Variants in CABP1 observed in about 807,000 individuals in gnomAD.
The protein encoded by CABP1 is calcium-binding protein 1.
A neutral mutation model predicts 34.3 loss-of-function variants in CABP1; 17 were observed. The ratio of observed to expected loss-of-function variants is 0.50; its 90% CI spans 0.34 to 0.74. The LOEUF is 0.74. Ranked by LOEUF, CABP1 falls within the 30% of genes least tolerant of loss-of-function variation. The pLI, the probability that CABP1 is intolerant of heterozygous loss-of-function variation, is 0.01. For synonymous variants in CABP1, 198 were observed against 229.2 expected, an observed-to-expected ratio of 0.86 and a Z score of 1.23; for missense variants, 373 against 511.1, an observed-to-expected ratio of 0.73 and a Z score of 2.61.
At position 120,640,670 on chromosome 12, in the gene CABP1, G is replaced by C; in HGVS notation, c.-16G>C. 8.5e-7 allele frequency: 1 copy of C among 1,175,514 alleles called. No individual in the cohort carries two copies. Among genetic ancestry groups the C allele is most frequent in the Non-Finnish European group, 1.1e-6 (1 of 951,702 alleles). 72.8% of individuals were successfully genotyped at this position (1,175,514 alleles called of 1,614,324 possible). A position where few individuals can be genotyped will look rare whatever the true frequency, so the allele number is the denominator to read the frequency against. On this transcript the variant is annotated 5_prime_UTR_variant, in exon 1 of 6. Coordinates refer to ENST00000316803, the MANE Select transcript of CABP1 (RefSeq NM_001033677.2). This position sits in a 1 kb window ranked among gnomAD's most constrained non-coding sequence, Gnocchi z 6.2. ...CCGGGAGCTCCGGGCTCCGGGCGTA[G>C]AGGCTGCGCTGTCACATGGGCGGCG...
rs560827054 is a variant in CABP1, at chr12:120,647,836, C to A, written c.654+6497C>A. On this transcript the variant is annotated intron_variant, in intron 1 of 5. Transcript: ENST00000316803. ...ACCTCAGGTGATCCACCTGCCTATG[C>A]CTCCCAAAGTGCTGGGATTACAGGT... Among the ~76,000 whole-genome samples the A allele has an allele frequency of 3.2e-4, 49 of 150,924 alleles. No homozygotes were observed. In the East Asian group the frequency reaches 8.9e-3, roughly 27 times the overall value.
rs1880629535 is a variant in CABP1 at position 120,661,480 on chromosome 12, C to A, written c.1087+262C>A. ...TCCATTTATCCATCCATTCATCTAC[C>A]TATCTATCCATCTGTCCACCATCCA... On this transcript the variant is annotated intron_variant, in intron 5 of 5. Coordinates refer to ENST00000316803, the MANE Select transcript of CABP1 (RefSeq NM_001033677.2). The surrounding 1 kb of genome is among the most constrained non-coding windows in gnomAD (Gnocchi z 5.1). 2.3e-6 allele frequency: 1 copy of A among 439,582 alleles called. No individual in the cohort carries two copies. Among genetic ancestry groups the A allele is most frequent in the Non-Finnish European group, 4.1e-6 (1 of 243,446 alleles). 27.2% of individuals were successfully genotyped at this position (439,582 alleles called of 1,614,324 possible).
chr12:120,647,560 C>CT (rs10557275), intron 1 of CABP1, among the ~76,000 whole-genome samples: 7,090 of 75,570 alleles, frequency 0.094, 576 homozygotes, highest in Non-Finnish European at 0.1. Context: ...CAGTCCAAGC[C>CT]TTTTTTTTTT....
chr12:120,655,943 G>A lies in CABP1; in HGVS notation c.655-3935G>A, dbSNP rs779514753. Reference sequence around the variant, plus strand: ...GAGACTCTGTCTGTTGGACCAATTTGATGCCTGTGCACGCTCAGGGCTCTC... The same window carrying A: ...GAGACTCTGTCTGTTGGACCAATTTAATGCCTGTGCACGCTCAGGGCTCTC... On this transcript the variant is annotated intron_variant, in intron 1 of 5. Coordinates refer to ENST00000316803, the MANE Select transcript of CABP1 (RefSeq NM_001033677.2). The A allele has an allele frequency of 3.2e-6, 5 of 1,539,392 alleles. No homozygotes were observed. In the Admixed American group the frequency reaches 7.8e-5, roughly 24 times the overall value.
chr12:120,672,654 C>T, the CABP1 span, among the ~76,000 whole-genome samples: 4 of 145,064 alleles, frequency 2.8e-5, no homozygotes, highest in African/African-American at 5.1e-5. Context: ...TAAAAAGTAT[C>T]GTGTTTTAAA....
intron 1 of CABP1, among the ~76,000 whole-genome samples, chr12:120,645,721 C>T (rs1476954172): frequency 2.0e-5 from 3 of 152,000 alleles, no homozygotes; most frequent in Admixed American, 6.6e-5. Flanking sequence ...CCCAGCTACT[C>T]GGGAGGCTGA....
chr12:120,662,608 G>A (rs576318304), intron 5 of CABP1, among the ~76,000 whole-genome samples: 4 of 151,360 alleles, frequency 2.6e-5, no homozygotes, highest in East Asian at 1.9e-4. Flanking sequence ...TGATCCACCC[G>A]CCTCGGCCTC....
downstream of CABP1, among the ~76,000 whole-genome samples, chr12:120,670,694 G>C (rs996924333): frequency 1.1e-4 from 16 of 152,278 alleles, no homozygotes; most frequent in African/African-American, 3.6e-4. Context: ...GTTGCAGTGA[G>C]CGGAGATTGC....
intron 1 of CABP1, chr12:120,658,921 T>G (rs1374606944): frequency 2.0e-5 from 3 of 152,286 alleles, no homozygotes; most frequent in Non-Finnish European, 4.4e-5. Context: ...CAGGTCCAGC[T>G]GGGCACCTGT....
At chr12:120,656,998 A>G (rs905745367) in intron 1 of CABP1, among the ~76,000 whole-genome samples, 3 of 152,228 alleles carry the variant, frequency 2.0e-5, no homozygotes, top group Non-Finnish European at 4.4e-5. Flanking sequence ...GCCTGACTCA[A>G]GAGCCTCTTG....
At chr12:120,666,801 TG>T (rs1438879248) in intron 5 of CABP1, 73 bp from the exon 6 acceptor site, 7 of 1,508,414 alleles carry the variant, frequency 4.6e-6, no homozygotes, top group Admixed American at 1.9e-5. Context: ...GGCAACAGGG[TG>T]GGGTCTGAAG....
intron 1 of CABP1, chr12:120,650,059 G>A (rs66913110): frequency 0.31 from 46,274 of 150,752 alleles, 7,781 homozygotes; most frequent in African/African-American, 0.45. Context: ...GTGCGCGCGC[G>A]CACACACACA....
At chr12:120,666,364 C>T (rs79715801) in intron 5 of CABP1, among the ~76,000 whole-genome samples, 18,364 of 150,240 alleles carry the variant, frequency 0.12, 1,220 homozygotes, top group Non-Finnish European at 0.14. Flanking sequence ...ATCCCAGCTA[C>T]TAGGGAGGCT....
chr12:120,649,046 G>A (rs978873285), intron 1 of CABP1, among the ~76,000 whole-genome samples: 1 of 150,622 alleles, frequency 6.6e-6, no homozygotes, highest in African/African-American at 2.4e-5. Flanking sequence ...ATCAATACCC[G>A]CCCCCCAGGC....
chr12:120,645,806 G>C (rs970749344), intron 1 of CABP1, among the ~76,000 whole-genome samples: 6 of 152,216 alleles, frequency 3.9e-5, no homozygotes, highest in African/African-American at 1.4e-4. Context: ...TCCAGCCTGG[G>C]TGACGGAGGA....
chr12:120,652,853 C>T (rs1284231927), intron 1 of CABP1, among the ~76,000 whole-genome samples: 2 of 152,152 alleles, frequency 1.3e-5, no homozygotes, highest in African/African-American at 4.8e-5. Flanking sequence ...ACTTAGGAGA[C>T]GTTGCCTTGG....
Position 120,667,238 on chromosome 12 carries a change from G to A in CABP1, c.*338G>A, listed in dbSNP as rs1881066912. The A allele has an allele frequency of 2.2e-6, 1 of 460,340 alleles. No homozygotes were observed. Among genetic ancestry groups the A allele is most frequent in the South Asian group, 2.7e-5 (1 of 36,806 alleles). The allele number at this position is 460,340 out of a possible 1,614,324, so 28.5% of individuals were successfully genotyped here. On this transcript the variant is annotated 3_prime_UTR_variant, in exon 6 of 6. Transcript: ENST00000316803. ...CCCCACACAGCATGTCCGCCCCAGG[G>A]CAAAGCCTCCCACCTTCGCTCTGCG...
At chr12:120,652,209 T>A (rs1879888895) in intron 1 of CABP1, among the ~76,000 whole-genome samples, 1 of 152,188 alleles carries the variant, frequency 6.6e-6, no homozygotes, top group Admixed American at 6.5e-5. Flanking sequence ...ATGTTAGTAT[T>A]CTTGTCATCA....
the CABP1 span, among the ~76,000 whole-genome samples, chr12:120,676,984 T>C: frequency 9.2e-5 from 14 of 152,016 alleles, no homozygotes; most frequent in Non-Finnish European, 1.8e-4. Context: ...ACGTCTGTAA[T>C]CCTAGCTACT....
Sources: allele counts gnomAD v4.1 joint callset (sites outside exome capture counted in the v4.1 genomes callset), GRCh38; gene constraint gnomAD v4.1.1; non-coding constraint Gnocchi (gnomAD v3.1); transcripts MANE v1.5; gene names NCBI Gene and HGNC (gene_info 2026-07-23, HGNC 2026-07-21).